Variants in DSCAML1 observed in about 807,000 individuals in gnomAD.
DSCAML1 encodes cell adhesion molecule DSCAML1.
DSCAML1 carries 38 observed loss-of-function variants against 200.5 expected under a neutral mutation model. That is an observed-to-expected ratio of 0.19 (90% confidence interval 0.15 to 0.25). DSCAML1 has a LOEUF of 0.25. Ranked by LOEUF, DSCAML1 falls within the 10% of genes least tolerant of loss-of-function variation. The pLI, the probability that DSCAML1 is intolerant of heterozygous loss-of-function variation, is 1.00. For synonymous variants in DSCAML1, 1,215 were observed against 1,165.0 expected, an observed-to-expected ratio of 1.04 and a Z score of -0.87; for missense variants, 2,223 against 2,858.8, an observed-to-expected ratio of 0.78 and a Z score of 5.07.
At chr11:117,497,432 G>C (rs2049310352) in intron 11 of DSCAML1, among the ~76,000 whole-genome samples, 1 of 152,206 alleles carries the variant, frequency 6.6e-6, no homozygotes, top group Non-Finnish European at 1.5e-5. Flanking sequence ...TCTGAGAATG[G>C]GGGCTGCGGC....
chr11:117,562,099 G>A (rs545332492), intron 3 of DSCAML1, among the ~76,000 whole-genome samples: 1 of 152,312 alleles, frequency 6.6e-6, no homozygotes, highest in Admixed American at 6.5e-5. Flanking sequence ...ACAGACTCCT[G>A]ATGCCCCTTG....
chr11:117,691,982 A>T (rs2053503261), intron 3 of DSCAML1, among the ~76,000 whole-genome samples: 1 of 152,108 alleles, frequency 6.6e-6, no homozygotes, highest in Non-Finnish European at 1.5e-5. Context: ...TGTGAGCATG[A>T]GAAGTACCTT....
intron 3 of DSCAML1, among the ~76,000 whole-genome samples, chr11:117,548,974 T>C (rs2050426151): frequency 6.6e-6 from 1 of 152,136 alleles, no homozygotes; most frequent in Non-Finnish European, 1.5e-5. Context: ...AAACGGGTCT[T>C]ACTGGTTCTC....
At chr11:117,575,872 CAAAACAAAA>C (rs771991938) in intron 3 of DSCAML1, among the ~76,000 whole-genome samples, 1 of 136,958 alleles carries the variant, frequency 7.3e-6, no homozygotes, top group African/African-American at 2.9e-5. Flanking sequence ...CAAAACAAAA[CAAAACAAAA>C]CAAACAAAAA....
rs371693849 is a variant in DSCAML1 at position 117,776,777 on chromosome 11, G to A, written c.511+14C>T. 28 of 1,613,778 alleles carry A rather than the reference G, an allele frequency of 1.7e-5. No homozygotes were observed. Among genetic ancestry groups the A allele is most frequent in the Admixed American group, 3.3e-5 (2 of 59,994 alleles). On this transcript the variant is annotated intron_variant, in intron 3 of 32. Transcript: ENST00000651296. Reference sequence around the variant, plus strand: ...GAGCACCTCTGTCTGCCGCAGCCCCGGGACGCTTCTTACCTGGGATGATGG... The same window carrying A: ...GAGCACCTCTGTCTGCCGCAGCCCCAGGACGCTTCTTACCTGGGATGATGG...
chr11:117,430,665 T>C lies in DSCAML1; in HGVS notation c.5686+57A>G. ...CAGAACTAGATCTAGCCAGGGCTCA[T>C]GGGGCTGGGGCCAGGGGGCGGGGGG... On this transcript the variant is annotated intron_variant, in intron 32 of 32. Coordinates refer to ENST00000651296, the MANE Select transcript of DSCAML1 (RefSeq NM_020693.4). 3 of 1,512,610 alleles carry C rather than the reference T, an allele frequency of 2.0e-6. No homozygotes were observed. In the South Asian group the frequency reaches 3.8e-5, roughly 19 times the overall value. The allele number at this position is 1,512,610 out of a possible 1,614,324, so 93.7% of individuals were successfully genotyped here.
chr11:117,689,577 C>G (rs78305480), intron 3 of DSCAML1, among the ~76,000 whole-genome samples: 2,044 of 152,292 alleles, frequency 0.013, 44 homozygotes, highest in African/African-American at 0.046. Flanking sequence ...TCCTCAGCTT[C>G]TGGGGTGCTT....
At chr11:117,771,784 A>C (rs924589351) in intron 3 of DSCAML1, among the ~76,000 whole-genome samples, 5 of 152,212 alleles carry the variant, frequency 3.3e-5, no homozygotes, top group Non-Finnish European at 7.3e-5. Context: ...TAAAAACATT[A>C]TCTCTCTTAA....
At chr11:117,660,568 C>A (rs1025898925) in intron 3 of DSCAML1, among the ~76,000 whole-genome samples, 3 of 152,174 alleles carry the variant, frequency 2.0e-5, no homozygotes, top group African/African-American at 7.2e-5. Context: ...AGGCTGTAGC[C>A]GGGGCTAATA....
intron 3 of DSCAML1, among the ~76,000 whole-genome samples, chr11:117,586,770 A>G (rs1385464348): frequency 6.6e-6 from 1 of 152,204 alleles, no homozygotes; most frequent in Non-Finnish European, 1.5e-5. Context: ...AGATTCCTTA[A>G]GCTCTGGGGA....
At chr11:117,511,910 C>T (rs1414567373) in intron 8 of DSCAML1, among the ~76,000 whole-genome samples, 3 of 152,266 alleles carry the variant, frequency 2.0e-5, no homozygotes, top group Non-Finnish European at 4.4e-5. Flanking sequence ...TGCACACGCA[C>T]GAGTGCTCAC....
intron 3 of DSCAML1, among the ~76,000 whole-genome samples, chr11:117,672,539 G>A (rs989814433): frequency 3.9e-5 from 6 of 152,302 alleles, no homozygotes; most frequent in African/African-American, 1.2e-4. Context: ...TTCAACAAGA[G>A]CACCTGTACA....
chr11:117,649,364 C>T (rs2052583071), intron 3 of DSCAML1, among the ~76,000 whole-genome samples: 1 of 152,192 alleles, frequency 6.6e-6, no homozygotes, highest in South Asian at 2.1e-4. Flanking sequence ...CCACCATGCC[C>T]CGCCAACTTA....
At chr11:117,709,370 T>C (rs1243017018) in intron 3 of DSCAML1, among the ~76,000 whole-genome samples, 1 of 152,190 alleles carries the variant, frequency 6.6e-6, no homozygotes, top group Non-Finnish European at 1.5e-5. Context: ...TGTCCTCACA[T>C]GGCAGATGGA....
chr11:117,715,796 A>G (rs2053943080), intron 3 of DSCAML1, among the ~76,000 whole-genome samples: 1 of 152,158 alleles, frequency 6.6e-6, no homozygotes, highest in African/African-American at 2.4e-5. Context: ...GCTCACTCAC[A>G]GGGCTTGTAA....
chr11:117,444,053 G>A lies in DSCAML1; in HGVS notation c.3709-14C>T. The A allele has an allele frequency of 6.2e-7, 1 of 1,603,708 alleles. No homozygotes were observed. Among genetic ancestry groups the A allele is most frequent in the Non-Finnish European group, 8.5e-7 (1 of 1,173,372 alleles). ...CTCGCTGGGAGCCTGCGGGGCAGAG[G>A]CAAAGAGGCTCTAAGAAGCAGAACT... On this transcript the variant is annotated splice_polypyrimidine_tract_variant and intron_variant, in intron 20 of 32. Transcript: ENST00000651296.
chr11:117,715,840 T>C (rs967498246), intron 3 of DSCAML1, among the ~76,000 whole-genome samples: 4 of 152,188 alleles, frequency 2.6e-5, no homozygotes, highest in Admixed American at 2.6e-4. Flanking sequence ...ATCCAGTCGG[T>C]GTGGTTTAAC....
At chr11:117,539,166 C>G (rs2050220253) in intron 3 of DSCAML1, among the ~76,000 whole-genome samples, 1 of 152,242 alleles carries the variant, frequency 6.6e-6, no homozygotes, top group East Asian at 1.9e-4. Context: ...AAACTGCAAC[C>G]CAGAAAAGTC....
chr11:117,512,798 CA>C (rs1565754096), intron 8 of DSCAML1, among the ~76,000 whole-genome samples: 1,661 of 150,308 alleles, frequency 0.011, 25 homozygotes, highest in African/African-American at 0.027. Flanking sequence ...CACACACACA[CA>C]CACCCCTCCC....
Sources: gnomAD v4.1 joint callset for allele counts (sites outside exome capture counted in the v4.1 genomes callset) on GRCh38, gnomAD v4.1.1 for gene constraint, MANE v1.5 for transcripts, NCBI Gene and HGNC (gene_info 2026-07-23, HGNC 2026-07-21) for gene names.